Variants in TRPC4 observed in about 807,000 individuals in gnomAD.
TRPC4 encodes transient receptor potential cation channel subfamily C member 4.
TRPC4 carries 49 observed loss-of-function variants against 99.4 expected under a neutral mutation model. The ratio of observed to expected loss-of-function variants is 0.49; its 90% CI spans 0.39 to 0.63. The LOEUF (loss-of-function observed/expected upper bound fraction) is 0.63, where lower values mean the gene tolerates loss of function less well. Ranked by LOEUF, TRPC4 falls within the 20% of genes least tolerant of loss-of-function variation. The probability of loss-of-function intolerance (pLI) is 0.00; values close to 1 mark genes in which losing one functional copy is unlikely to be tolerated. For missense variants in TRPC4, 898 were observed against 1,152.9 expected (o/e 0.78, Z 3.20); for synonymous variants, 454 against 425.9 (o/e 1.07, Z -0.81).
intron 2 of TRPC4, among the ~76,000 whole-genome samples, chr13:37,762,468 A>C (rs2139245488): frequency 6.6e-6 from 1 of 151,736 alleles, no homozygotes; most frequent in East Asian, 2.0e-4. Context: ...GAACCAACCC[A>C]AATGTCCAAC....
In TRPC4 at chr13:37,736,895, A is replaced by ATTTTT. The variant is rs34176145; in HGVS notation, c.897+9037_897+9041dup. On this transcript the variant is annotated intron_variant, in intron 3 of 10. Coordinates refer to ENST00000379705, the MANE Select transcript of TRPC4 (RefSeq NM_016179.4). ...AGACACACACCACTATGCCTGGCTA[A>ATTTTT]TTTTTTTTTTTTTTTTTTGTAGAGA... Among the ~76,000 whole-genome samples the ATTTTT allele has an allele frequency of 7.8e-3, 1,000 of 127,704 alleles. 18 individuals carry two copies. The highest frequency in any genetic ancestry group is 0.028 in the African/African-American group (950 of 34,094). 83.8% of individuals were successfully genotyped at this position (127,704 alleles called of 152,430 possible).
chr13:37,743,312 T>C (rs1276644847), intron 3 of TRPC4, among the ~76,000 whole-genome samples: 1 of 152,176 alleles, frequency 6.6e-6, no homozygotes, highest in Non-Finnish European at 1.5e-5. Context: ...AACTTCATAT[T>C]AGCAAGAATA....
At chr13:37,703,661 T>C (rs1954175366) in intron 3 of TRPC4, among the ~76,000 whole-genome samples, 1 of 151,802 alleles carries the variant, frequency 6.6e-6, no homozygotes, top group Non-Finnish European at 1.5e-5. Flanking sequence ...ATGACTAAAA[T>C]TAAAAAAAAT....
chr13:37,804,198 G>T (rs1957473806), intron 1 of TRPC4, among the ~76,000 whole-genome samples: 1 of 152,100 alleles, frequency 6.6e-6, no homozygotes, highest in South Asian at 2.1e-4. Context: ...CATTCCCTGG[G>T]TAGGTGGTAT....
chr13:37,686,874 G>A (rs1237514073), intron 4 of TRPC4, among the ~76,000 whole-genome samples: 1 of 152,076 alleles, frequency 6.6e-6, no homozygotes, highest in African/African-American at 2.4e-5. Context: ...ACAATGTCAC[G>A]TCGCTTCAGC....
intron 1 of TRPC4, among the ~76,000 whole-genome samples, chr13:37,833,936 C>G (rs1437614253): frequency 2.0e-5 from 3 of 152,200 alleles, no homozygotes; most frequent in Non-Finnish European, 2.9e-5. Flanking sequence ...AAACAAGAAA[C>G]TGCTATCAAG....
chr13:37,713,965 C>T (rs1566115508), intron 3 of TRPC4, among the ~76,000 whole-genome samples: 2 of 152,108 alleles, frequency 1.3e-5, no homozygotes, highest in African/African-American at 2.4e-5. Flanking sequence ...TATGCATTCC[C>T]TTCCTTTACT....
chr13:37,639,416 A>G (rs1311581399), intron 8 of TRPC4, 117 bp from the exon 9 acceptor site: 1 of 1,057,842 alleles, frequency 9.5e-7, no homozygotes, highest in Non-Finnish European at 1.4e-6. Context: ...TGGGAGTTTT[A>G]CTAGTCAATG....
intron 5 of TRPC4, among the ~76,000 whole-genome samples, chr13:37,668,614 C>T (rs1351520054): frequency 6.6e-6 from 1 of 152,048 alleles, no homozygotes; most frequent in Non-Finnish European, 1.5e-5. Flanking sequence ...GAAAGATGAA[C>T]TGAATCATAA....
At chr13:37,763,434 G>A (rs911087224) in intron 2 of TRPC4, among the ~76,000 whole-genome samples, 1 of 151,362 alleles carries the variant, frequency 6.6e-6, no homozygotes, top group Non-Finnish European at 1.5e-5. Context: ...GAAAAGAATT[G>A]GGGAGCTTGT....
Position 37,762,359 on chromosome 13 carries a change from G to A in TRPC4, c.379-15904C>T, listed in dbSNP as rs550881433. Among the ~76,000 whole-genome samples, 157 of 151,734 alleles carry A rather than the reference G, an allele frequency of 1.0e-3. 4 individuals are homozygous for A. The highest frequency in any genetic ancestry group is 9.0e-3 in the Admixed American group (136 of 15,184). On this transcript the variant is annotated intron_variant, in intron 2 of 10. Coordinates refer to ENST00000379705, the MANE Select transcript of TRPC4 (RefSeq NM_016179.4). ...AAATACCATTTGACCCAGCCATCCC[G>A]TTACTGGTTATATACCCAAAGGACT...
At chr13:37,665,094 G>C (rs1284943887) in intron 5 of TRPC4, among the ~76,000 whole-genome samples, 3 of 151,956 alleles carry the variant, frequency 2.0e-5, no homozygotes, top group Non-Finnish European at 4.4e-5. Context: ...ATTATGACAA[G>C]TGTCAGAGTG....
intron 1 of TRPC4, among the ~76,000 whole-genome samples, chr13:37,818,951 T>TA (rs1204707599): frequency 1.3e-5 from 2 of 150,712 alleles, no homozygotes; most frequent in Non-Finnish European, 1.5e-5. Flanking sequence ...AAAGTACAAT[T>TA]AAAAAAAATA....
chr13:37,686,717 T>A (rs1401494614), intron 4 of TRPC4, among the ~76,000 whole-genome samples: 1 of 152,184 alleles, frequency 6.6e-6, no homozygotes, highest in Non-Finnish European at 1.5e-5. Flanking sequence ...ATTCTTACTT[T>A]ATGCCTAGGA....
At chr13:37,780,731 C>T (rs543590578) in intron 2 of TRPC4, among the ~76,000 whole-genome samples, 6 of 151,088 alleles carry the variant, frequency 4.0e-5, no homozygotes, top group Admixed American at 6.6e-5. Flanking sequence ...GTGCTATGCA[C>T]GTTTCATGTT....
intron 1 of TRPC4, among the ~76,000 whole-genome samples, chr13:37,808,290 C>T (rs974948902): frequency 3.3e-5 from 5 of 151,938 alleles, no homozygotes; most frequent in African/African-American, 1.2e-4. Flanking sequence ...AGGTCTGTTT[C>T]AGAAAAGTAC....
chr13:37,720,457 G>T (rs1291264213), intron 3 of TRPC4, among the ~76,000 whole-genome samples: 1 of 151,992 alleles, frequency 6.6e-6, no homozygotes, highest in African/African-American at 2.4e-5. Context: ...ATTATTAGTA[G>T]TAGTAGTATT....
At chr13:37,664,137 T>C (rs2138696171) in intron 5 of TRPC4, among the ~76,000 whole-genome samples, 1 of 152,362 alleles carries the variant, frequency 6.6e-6, no homozygotes, top group Admixed American at 6.5e-5. Flanking sequence ...AAAAAATTGC[T>C]ACTGTAAACT....
Position 37,724,120 on chromosome 13 carries a change from G to A in TRPC4, c.897+21817C>T, listed in dbSNP as rs201558785. ...CCATATATCACTTCAAAATAATAAA[G>A]TAAATATGTAATTATTGATATTTTA... On this transcript the variant is annotated intron_variant, in intron 3 of 10. Coordinates refer to ENST00000379705, the MANE Select transcript of TRPC4 (RefSeq NM_016179.4). 1.3e-4 allele frequency among the ~76,000 whole-genome samples: 20 copies of A among 151,934 alleles called. No homozygotes were observed. In the East Asian group the frequency reaches 3.7e-3, roughly 28 times the overall value.
Sources: gnomAD v4.1 joint callset for allele counts (sites outside exome capture counted in the v4.1 genomes callset) on GRCh38, gnomAD v4.1.1 for gene constraint, MANE v1.5 for transcripts, NCBI Gene and HGNC (gene_info 2026-07-23, HGNC 2026-07-21) for gene names.